The following TMPRSS12 variants were observed in gnomAD, a reference collection of about 807,000 sequenced individuals.
TMPRSS12 encodes the protein transmembrane protease serine 12.
TMPRSS12 carries 25 observed loss-of-function variants against 26.0 expected under a neutral mutation model. The ratio of observed to expected loss-of-function variants is 0.96; its 90% CI spans 0.70 to 1.34. The LOEUF (loss-of-function observed/expected upper bound fraction) is 1.34. Ranked by LOEUF, TMPRSS12 falls within the 40% of genes most tolerant of loss-of-function variation. TMPRSS12 has a pLI of 0.00. For synonymous variants in TMPRSS12, 150 were observed against 161.7 expected (o/e 0.93, Z 0.55); for missense variants, 441 against 440.1 (o/e 1.00, Z -0.02).
intron 3 of TMPRSS12, among the ~76,000 whole-genome samples, chr12:50,860,313 G>A (rs1482516026): frequency 6.6e-6 from 1 of 152,138 alleles, no homozygotes; most frequent in East Asian, 1.9e-4. Context: ...ACTAATGGGA[G>A]GAATAAAAAC....
At chr12:50,859,447 C>A (rs1208237118) in intron 3 of TMPRSS12, among the ~76,000 whole-genome samples, 1 of 152,108 alleles carries the variant, frequency 6.6e-6, no homozygotes, top group Non-Finnish European at 1.5e-5. Flanking sequence ...AACTCCCAAC[C>A]TCAGGTGATC....
intron 3 of TMPRSS12, among the ~76,000 whole-genome samples, chr12:50,859,592 C>T (rs1937916064): frequency 6.6e-6 from 1 of 151,976 alleles, no homozygotes; most frequent in Non-Finnish European, 1.5e-5. Flanking sequence ...TCCTGGCCTC[C>T]TGTGATCCAC....
At chr12:50,882,660 C>CA (rs1397060352) in intron 3 of TMPRSS12, among the ~76,000 whole-genome samples, 2 of 147,048 alleles carry the variant, frequency 1.4e-5, no homozygotes, top group Non-Finnish European at 1.5e-5. Flanking sequence ...GTAAATAACC[C>CA]AAACTGAAAT....
intron 3 of TMPRSS12, among the ~76,000 whole-genome samples, chr12:50,860,248 T>C (rs1298637904): frequency 2.0e-5 from 3 of 152,196 alleles, no homozygotes; most frequent in Non-Finnish European, 4.4e-5. Context: ...TCAGGCAAGA[T>C]GATTGCGATA....
chr12:50,856,740 C>T (rs957312252), intron 2 of TMPRSS12, among the ~76,000 whole-genome samples: 1 of 152,144 alleles, frequency 6.6e-6, no homozygotes, highest in African/African-American at 2.4e-5. Flanking sequence ...GGCTTGAGTG[C>T]AGTGGCATAG....
chr12:50,875,734 C>T (rs1211463512), intron 3 of TMPRSS12, among the ~76,000 whole-genome samples: 1 of 152,056 alleles, frequency 6.6e-6, no homozygotes, highest in African/African-American at 2.4e-5. Context: ...TATCCTATCA[C>T]CATATGCAAA....
At chr12:50,855,868 C>T (rs1027655918) in intron 2 of TMPRSS12, among the ~76,000 whole-genome samples, 5 of 152,254 alleles carry the variant, frequency 3.3e-5, no homozygotes, top group African/African-American at 4.8e-5. Context: ...TGGAATACTA[C>T]GCAGTCATGA....
At chr12:50,886,074 A>C (rs916870230) in intron 4 of TMPRSS12, 14 of 152,076 alleles carry the variant, frequency 9.2e-5, no homozygotes, top group African/African-American at 3.4e-4. Flanking sequence ...GCATTTTTGC[A>C]TGTATTTATT....
intron 3 of TMPRSS12, among the ~76,000 whole-genome samples, chr12:50,866,083 C>T (rs1004556040): frequency 2.6e-5 from 4 of 152,100 alleles, no homozygotes; most frequent in African/African-American, 7.2e-5. Flanking sequence ...GACAGAGCAG[C>T]GTGTGGAGGC....
chr12:50,864,668 TG>T (rs1937973450), intron 3 of TMPRSS12, among the ~76,000 whole-genome samples: 1 of 152,212 alleles, frequency 6.6e-6, no homozygotes, highest in Non-Finnish European at 1.5e-5. Flanking sequence ...TGTTTTGTTT[TG>T]TTTTTTTGAG....
rs1204846051 is a variant in TMPRSS12 at position 50,872,909 on chromosome 12, CTATATAT to C, written c.653-12336_653-12330del. On this transcript the variant is annotated intron_variant, in intron 3 of 4. Coordinates refer to ENST00000398458, the MANE Select transcript of TMPRSS12 (RefSeq NM_182559.3). ...GACGTATATATGTACATATATATGA[CTATATAT>C]GTACATATATGATGTATATATGTAC... is the stretch of plus-strand genomic sequence containing the variant. Among the ~76,000 whole-genome samples, 22 of 58,518 alleles carry C rather than the reference CTATATAT, an allele frequency of 3.8e-4. 2 individuals carry two copies. The highest frequency in any genetic ancestry group is 1.7e-3 in the African/African-American group (19 of 11,412). 38.4% of individuals were successfully genotyped at this position (58,518 alleles called of 152,430 possible). A position where few individuals can be genotyped will look rare whatever the true frequency, so the allele number is the denominator to read the frequency against.
At position 50,884,382 on chromosome 12, in the gene TMPRSS12, G is replaced by A. The variant is rs368693026; in HGVS notation, c.653-864G>A. Among the ~76,000 whole-genome samples the A allele has an allele frequency of 2.6e-5, 4 of 152,272 alleles. No individual in the cohort carries two copies. In the East Asian group the frequency reaches 5.8e-4, roughly 22 times the overall value. ...TCTAAAATCCATTGGAATTAACAGAGTTTAGTAATACAGCCAGCATAAGAC... is the reference window on the plus strand; with the variant it reads ...TCTAAAATCCATTGGAATTAACAGAATTTAGTAATACAGCCAGCATAAGAC... On this transcript the variant is annotated intron_variant, in intron 3 of 4. Coordinates refer to ENST00000398458, the MANE Select transcript of TMPRSS12 (RefSeq NM_182559.3).
chr12:50,877,799 G>A (rs542184934), intron 3 of TMPRSS12, among the ~76,000 whole-genome samples: 2 of 152,168 alleles, frequency 1.3e-5, no homozygotes, highest in East Asian at 3.9e-4. Flanking sequence ...TAGTAGAGAC[G>A]GGGTTTCACT....
intron 2 of TMPRSS12, among the ~76,000 whole-genome samples, chr12:50,851,009 T>C (rs1052273059): frequency 1.3e-5 from 2 of 151,970 alleles, no homozygotes; most frequent in African/African-American, 4.8e-5. Context: ...TATAACACAG[T>C]CAAACCCTCA....
At chr12:50,849,822 C>T (rs1253876735) in intron 2 of TMPRSS12, among the ~76,000 whole-genome samples, 6 of 151,876 alleles carry the variant, frequency 4.0e-5, no homozygotes, top group Non-Finnish European at 8.8e-5. Flanking sequence ...ATTGGACAAA[C>T]GCATACAGTC....
rs138419373 is a variant in TMPRSS12, at chr12:50,873,612, C to T, written c.653-11634C>T. Among the ~76,000 whole-genome samples, 407 of 152,244 alleles carry T rather than the reference C, an allele frequency of 2.7e-3. 4 individuals carry two copies. The highest frequency in any genetic ancestry group is 9.4e-3 in the African/African-American group (389 of 41,526). Reference sequence around the variant, plus strand: ...TAGGTAAATGTAAATAAACATTCTCCGTACACAACAGTTGTTCTCACTTGG... The same window carrying T: ...TAGGTAAATGTAAATAAACATTCTCTGTACACAACAGTTGTTCTCACTTGG... On this transcript the variant is annotated intron_variant, in intron 3 of 4. Coordinates refer to ENST00000398458, the MANE Select transcript of TMPRSS12 (RefSeq NM_182559.3).
chr12:50,865,320 A>G (rs1030000921), intron 3 of TMPRSS12, among the ~76,000 whole-genome samples: 1 of 152,186 alleles, frequency 6.6e-6, no homozygotes, highest in Non-Finnish European at 1.5e-5. Context: ...CAACGAGAGC[A>G]AGACTCTGTC....
intron 2 of TMPRSS12, among the ~76,000 whole-genome samples, chr12:50,846,151 TTATC>T (rs1272671696): frequency 6.6e-6 from 1 of 152,238 alleles, no homozygotes; most frequent in African/African-American, 2.4e-5. Context: ...GAAGTCAAAT[TTATC>T]TATTTTTTTT....
chr12:50,880,881 A>G (rs1565937702), intron 3 of TMPRSS12, among the ~76,000 whole-genome samples: 1 of 151,862 alleles, frequency 6.6e-6, no homozygotes, highest in Admixed American at 6.6e-5. Flanking sequence ...GAAGGAAGCT[A>G]TATACAAAAG....
Sources: allele counts gnomAD v4.1 joint callset (sites outside exome capture counted in the v4.1 genomes callset), GRCh38; gene constraint gnomAD v4.1.1; transcripts MANE v1.5; gene names NCBI Gene and HGNC (gene_info 2026-07-23, HGNC 2026-07-21).